Variants in TAOK1 observed in about 807,000 individuals in gnomAD.
TAOK1 encodes the protein TAO kinase 1, also known as serine/threonine-protein kinase TAO1.
TAOK1 carries 21 observed loss-of-function variants against 138.3 expected under a neutral mutation model. The observed-to-expected ratio is 0.15, with a 90% CI of 0.11 to 0.22. TAOK1 has a LOEUF of 0.22. TAOK1 is among the 10% of genes least tolerant of loss of function. The probability of loss-of-function intolerance (pLI) is 1.00; values close to 1 mark genes in which losing one functional copy is unlikely to be tolerated. For missense variants in TAOK1, 651 were observed against 1,227.7 expected, an observed-to-expected ratio of 0.53 and a Z score of 7.02; for synonymous variants, 361 against 398.4, an observed-to-expected ratio of 0.91 and a Z score of 1.12.
At chr17:29,471,384 A>AT (rs900224297) in intron 3 of TAOK1, among the ~76,000 whole-genome samples, 1 of 128,862 alleles carries the variant, frequency 7.8e-6, no homozygotes, top group Non-Finnish European at 1.6e-5. Flanking sequence ...GGTTCAAGTG[A>AT]TTCTCCTGCT....
intron 10 of TAOK1, among the ~76,000 whole-genome samples, chr17:29,494,378 G>A (rs759235009): frequency 6.6e-6 from 1 of 151,990 alleles, no homozygotes; most frequent in Non-Finnish European, 1.5e-5. Flanking sequence ...ACATGGTGGT[G>A]CACACCTGTA....
chr17:29,438,806 GTAAT>G (rs750601614), intron 1 of TAOK1, among the ~76,000 whole-genome samples: 2 of 152,166 alleles, frequency 1.3e-5, no homozygotes, highest in Non-Finnish European at 2.9e-5. Flanking sequence ...GCGAGTTTTA[GTAAT>G]TAATTATTTA....
chr17:29,488,702 G>A (rs966396541), intron 8 of TAOK1, among the ~76,000 whole-genome samples: 1 of 151,900 alleles, frequency 6.6e-6, no homozygotes, highest in African/African-American at 2.4e-5. Context: ...TGTGGATGCA[G>A]AACCTACAGA....
chr17:29,453,252 C>G (rs7225066), intron 2 of TAOK1, among the ~76,000 whole-genome samples: 1 of 151,394 alleles, frequency 6.6e-6, no homozygotes, highest in African/African-American at 2.4e-5. Flanking sequence ...CTCCGCCTCC[C>G]GGGTTCATGC....
Position 29,543,048 on chromosome 17 carries a change from G to A in TAOK1, c.*26G>A, listed in dbSNP as rs1441723178. 3.7e-5 allele frequency: 56 copies of A among 1,503,464 alleles called. No homozygotes were observed. The highest frequency in any genetic ancestry group is 5.2e-5 in the South Asian group (4 of 76,900). 93.1% of individuals were successfully genotyped at this position (1,503,464 alleles called of 1,614,324 possible). A position where few individuals can be genotyped will look rare whatever the true frequency, so the allele number is the denominator to read the frequency against. On this transcript the variant is annotated 3_prime_UTR_variant, in exon 20 of 20. Coordinates refer to ENST00000261716, the MANE Select transcript of TAOK1 (RefSeq NM_020791.4). ...CTTAATAATTGAGAGTGGCAATTCC[G>A]CTGGAGCTGTCTGCCAAAAGAAACT... is the stretch of plus-strand genomic sequence containing the variant.
chr17:29,448,537 T>C (rs1364272337), intron 1 of TAOK1, among the ~76,000 whole-genome samples: 1 of 152,220 alleles, frequency 6.6e-6, no homozygotes, highest in African/African-American at 2.4e-5. Context: ...TTTTAGTATT[T>C]TACTCTTGTG....
At chr17:29,479,481 A>T (rs557462546) in intron 6 of TAOK1, among the ~76,000 whole-genome samples, 2 of 152,212 alleles carry the variant, frequency 1.3e-5, no homozygotes, top group African/African-American at 4.8e-5. Flanking sequence ...ATAGGTTATC[A>T]TTTTTTAACA....
chr17:29,412,171 T>C (rs1314214169), intron 1 of TAOK1, among the ~76,000 whole-genome samples: 1 of 152,122 alleles, frequency 6.6e-6, no homozygotes, highest in Non-Finnish European at 1.5e-5. Context: ...GCCTCCCGAG[T>C]AGCTGGGACT....
In TAOK1 at chr17:29,402,569, T is replaced by A. The variant is rs930973822; in HGVS notation, c.-95+11545T>A. Among the ~76,000 whole-genome samples, 5 of 152,174 alleles carry A rather than the reference T, an allele frequency of 3.3e-5. No homozygotes were observed. The East Asian group carries it at 9.6e-4, about 29-fold the overall frequency. ...ATCTGCCTGCCTCAGCCTCCGAAAGTGCTGGGATTACAGGTGTGAGCCACC... is the reference window on the plus strand; with the variant it reads ...ATCTGCCTGCCTCAGCCTCCGAAAGAGCTGGGATTACAGGTGTGAGCCACC... On this transcript the variant is annotated intron_variant, in intron 1 of 19. Coordinates refer to ENST00000261716, the MANE Select transcript of TAOK1 (RefSeq NM_020791.4).
chr17:29,449,123 T>G (rs1036254664), intron 1 of TAOK1, among the ~76,000 whole-genome samples: 1 of 152,200 alleles, frequency 6.6e-6, no homozygotes, highest in African/African-American at 2.4e-5. Flanking sequence ...GCACTAAAAC[T>G]TAATCATTCA....
chr17:29,533,660 G>A (rs971768156), intron 18 of TAOK1, among the ~76,000 whole-genome samples: 6 of 151,846 alleles, frequency 4.0e-5, no homozygotes, highest in Non-Finnish European at 8.8e-5. Flanking sequence ...CCAACACAGC[G>A]AAACCCCGTC....
rs776983414 is a variant in TAOK1, at chr17:29,495,545, T to C, written c.832-15T>C. On this transcript the variant is annotated splice_polypyrimidine_tract_variant and intron_variant, in intron 10 of 19. Coordinates refer to ENST00000261716, the MANE Select transcript of TAOK1 (RefSeq NM_020791.4). Reference sequence around the variant, plus strand: ...TTGAAAAAAAAATCAACCTTTTACCTTCTACCCTATCTAGCACATATTTGT... The same window carrying C: ...TTGAAAAAAAAATCAACCTTTTACCCTCTACCCTATCTAGCACATATTTGT... 2 of 1,549,528 alleles carry C rather than the reference T, an allele frequency of 1.3e-6. No homozygotes were observed. The highest frequency in any genetic ancestry group is 1.7e-6 in the Non-Finnish European group (2 of 1,144,488).
chr17:29,506,776 G>T (rs1426880017), intron 13 of TAOK1, among the ~76,000 whole-genome samples: 1 of 152,034 alleles, frequency 6.6e-6, no homozygotes, highest in Non-Finnish European at 1.5e-5. Context: ...TTGAAAACAG[G>T]TACTCAGACA....
rs3058623 is a variant in TAOK1, at chr17:29,465,837, C to CTTTTTTTTTTTTTTTTTTTTTTTTTT, written c.133-1306_133-1281dup. ...AAGAGTTAACTGTCAAGTTTCTGTG[C>CTTTTTTTTTTTTTTTTTTTTTTTTTT]TTTTTTTTTTTTTTTTTTTTTTTTT... On this transcript the variant is annotated intron_variant, in intron 2 of 19. Transcript: ENST00000261716. 3.7e-4 allele frequency among the ~76,000 whole-genome samples: 17 copies of CTTTTTTTTTTTTTTTTTTTTTTTTTT among 45,452 alleles called. 6 individuals carry two copies. Among genetic ancestry groups the CTTTTTTTTTTTTTTTTTTTTTTTTTT allele is most frequent in the African/African-American group, 1.7e-3 (15 of 8,726 alleles). The allele number at this position is 45,452 out of a possible 152,430, so 29.8% of individuals were successfully genotyped here. A position where few individuals can be genotyped will look rare whatever the true frequency, so the allele number is the denominator to read the frequency against.
At chr17:29,516,810 T>G (rs920054135) in intron 15 of TAOK1, among the ~76,000 whole-genome samples, 5 of 151,542 alleles carry the variant, frequency 3.3e-5, no homozygotes, top group Admixed American at 6.6e-5. Context: ...CCCTGTTTTT[T>G]TTGTTGTTGT....
At chr17:29,531,946 C>T (rs558777610) in intron 18 of TAOK1, among the ~76,000 whole-genome samples, 91 of 151,552 alleles carry the variant, frequency 6.0e-4, no homozygotes, top group African/African-American at 2.1e-3. Flanking sequence ...CTGCAAGCTC[C>T]GCCTCCCGGG....
At chr17:29,443,641 G>A (rs1265873103) in intron 1 of TAOK1, among the ~76,000 whole-genome samples, 3 of 152,092 alleles carry the variant, frequency 2.0e-5, no homozygotes, top group Admixed American at 6.6e-5. Flanking sequence ...TGATGTGATT[G>A]TTAGTTTCTT....
intron 1 of TAOK1, chr17:29,445,395 A>G (rs752852054): frequency 1.3e-5 from 2 of 152,366 alleles, no homozygotes; most frequent in Non-Finnish European, 2.9e-5. Flanking sequence ...CTGCCCAAGC[A>G]AGCACCCTTT....
At chr17:29,440,680 A>G (rs1408993267) in intron 1 of TAOK1, among the ~76,000 whole-genome samples, 4 of 151,980 alleles carry the variant, frequency 2.6e-5, no homozygotes, top group African/African-American at 9.7e-5. Context: ...GGTTCAAGCA[A>G]TTCTCCTGCC....
Sources: gnomAD v4.1 joint callset for allele counts (sites outside exome capture counted in the v4.1 genomes callset) on GRCh38, gnomAD v4.1.1 for gene constraint, MANE v1.5 for transcripts, NCBI Gene and HGNC (gene_info 2026-07-23, HGNC 2026-07-21) for gene names.